NCOA2: variants seen among roughly 807,000 people sequenced by gnomAD.
NCOA2 encodes class E basic helix-loop-helix protein 75.
NCOA2 carries 21 observed loss-of-function variants against 145.1 expected under a neutral mutation model. The observed-to-expected ratio is 0.14, with a 90% CI of 0.10 to 0.21. NCOA2 has a LOEUF of 0.21. Among genes scored for constraint, NCOA2 ranks in the 10% least tolerant of loss-of-function variants. The probability of loss-of-function intolerance (pLI) is 1.00; values close to 1 mark genes in which losing one functional copy is unlikely to be tolerated. For synonymous variants in NCOA2, 619 were observed against 637.5 expected (o/e 0.97, Z 0.44); for missense variants, 1,472 against 1,837.6 (o/e 0.80, Z 3.64).
chr8:70,325,031 A>G (rs1466009833), intron 1 of NCOA2, among the ~76,000 whole-genome samples: 1 of 152,186 alleles, frequency 6.6e-6, no homozygotes, highest in Non-Finnish European at 1.5e-5. Flanking sequence ...TTTACTATCC[A>G]TATCTTTAAA....
Position 70,112,447 on chromosome 8 carries a change from T to TA in NCOA2, c.*1184dup, listed in dbSNP as rs1806624674. On this transcript the variant is annotated 3_prime_UTR_variant, in exon 23 of 23. Coordinates refer to ENST00000452400, the MANE Select transcript of NCOA2 (RefSeq NM_006540.4). ...AAAACTTCGGCTTAGTCAGCACTGCTAAAAAACAAAATAAAAAACACATGG... is the reference window on the plus strand; with the variant it reads ...AAAACTTCGGCTTAGTCAGCACTGCTAAAAAAACAAAATAAAAAACACATGG... The TA allele has an allele frequency of 1.5e-5, 3 of 197,636 alleles. No homozygotes were observed. The highest frequency in any genetic ancestry group is 2.3e-5 in the African/African-American group (1 of 43,436). 12.2% of individuals were successfully genotyped at this position (197,636 alleles called of 1,614,324 possible).
chr8:70,439,386 G>A, the NCOA2 span, among the ~76,000 whole-genome samples: 2 of 152,172 alleles, frequency 1.3e-5, no homozygotes, highest in Non-Finnish European at 2.9e-5. Context: ...GAGGAACAGG[G>A]AAAACCAGGG....
intron 1 of NCOA2, among the ~76,000 whole-genome samples, chr8:70,359,637 A>G (rs1253526327): frequency 6.6e-6 from 1 of 152,172 alleles, no homozygotes; most frequent in Non-Finnish European, 1.5e-5. Context: ...GGAACTAGAG[A>G]GAGGTGGTGG....
At chr8:70,206,114 C>T (rs1818410332) in intron 4 of NCOA2, among the ~76,000 whole-genome samples, 1 of 152,218 alleles carries the variant, frequency 6.6e-6, no homozygotes, top group Non-Finnish European at 1.5e-5. Flanking sequence ...GGGCTCAGCC[C>T]AAGGGCTCTT....
intron 6 of NCOA2, among the ~76,000 whole-genome samples, chr8:70,169,807 T>C (rs928887140): frequency 3.3e-5 from 5 of 152,136 alleles, no homozygotes; most frequent in African/African-American, 9.7e-5. Flanking sequence ...ATAGTTGCCA[T>C]ATAAGTACTT....
chr8:70,209,854 C>T (rs1471901197), intron 4 of NCOA2, among the ~76,000 whole-genome samples: 2 of 152,128 alleles, frequency 1.3e-5, no homozygotes, highest in Non-Finnish European at 2.9e-5. Flanking sequence ...CTTTATGGTG[C>T]GGATCTGGAA....
chr8:70,326,870 T>C (rs1302269698), intron 1 of NCOA2, among the ~76,000 whole-genome samples: 1 of 152,182 alleles, frequency 6.6e-6, no homozygotes, highest in East Asian at 1.9e-4. Context: ...CTTTACAAAA[T>C]GCAGAAACAG....
intron 2 of NCOA2, among the ~76,000 whole-genome samples, chr8:70,277,696 C>A (rs1034048235): frequency 7.9e-5 from 12 of 152,082 alleles, no homozygotes; most frequent in African/African-American, 1.7e-4. Context: ...ATGTGAATTT[C>A]TTAATTATCA....
At chr8:70,241,140 T>C (rs2134449520) in intron 2 of NCOA2, among the ~76,000 whole-genome samples, 1 of 152,300 alleles carries the variant, frequency 6.6e-6, no homozygotes, top group Middle Eastern at 3.4e-3. Context: ...GGATTCTCTG[T>C]GGTTTTTATA....
intron 1 of NCOA2, among the ~76,000 whole-genome samples, chr8:70,403,276 C>T (rs935719834): frequency 4.4e-4 from 66 of 151,358 alleles, no homozygotes; most frequent in Non-Finnish European, 8.6e-4. Flanking sequence ...GGGCAATGGG[C>T]ACTCGCTCCT....
At chr8:70,243,953 C>T (rs1822388921) in intron 2 of NCOA2, among the ~76,000 whole-genome samples, 1 of 151,994 alleles carries the variant, frequency 6.6e-6, no homozygotes, top group Non-Finnish European at 1.5e-5. Context: ...TTAAACTATA[C>T]TGTGCTAAGA....
intron 10 of NCOA2, among the ~76,000 whole-genome samples, chr8:70,158,830 A>G (rs895351434): frequency 5.3e-5 from 8 of 152,180 alleles, no homozygotes; most frequent in African/African-American, 1.7e-4. Context: ...AAATCATACT[A>G]GTGACATCAA....
At chr8:70,352,269 G>A (rs1245761879) in intron 1 of NCOA2, among the ~76,000 whole-genome samples, 2 of 152,012 alleles carry the variant, frequency 1.3e-5, no homozygotes, top group Non-Finnish European at 2.9e-5. Context: ...TTTTTTAAAT[G>A]AGGAATTTGA....
intron 4 of NCOA2, among the ~76,000 whole-genome samples, chr8:70,179,990 A>G (rs1266704445): frequency 6.6e-6 from 1 of 152,144 alleles, no homozygotes; most frequent in South Asian, 2.1e-4. Flanking sequence ...TCTGTTGCCC[A>G]GGCTGGTCTT....
intron 1 of NCOA2, among the ~76,000 whole-genome samples, chr8:70,344,610 G>A (rs79669914): frequency 6.6e-6 from 1 of 152,268 alleles, no homozygotes; most frequent in African/African-American, 2.4e-5. Context: ...GCTGTTTCTG[G>A]AGGAAAATGA....
At chr8:70,392,090 A>T (rs1384872651) in intron 1 of NCOA2, among the ~76,000 whole-genome samples, 5 of 152,238 alleles carry the variant, frequency 3.3e-5, no homozygotes, top group African/African-American at 1.2e-4. Context: ...CTATTTTTCA[A>T]CCTGTGTGTA....
At chr8:70,219,079 A>G (rs1209887298) in intron 2 of NCOA2, among the ~76,000 whole-genome samples, 2 of 152,206 alleles carry the variant, frequency 1.3e-5, no homozygotes, top group African/African-American at 4.8e-5. Context: ...ATATTCTAAA[A>G]TACATACACG....
chr8:70,379,717 AAGC>A (rs1472748667), intron 1 of NCOA2, among the ~76,000 whole-genome samples: 3 of 152,096 alleles, frequency 2.0e-5, no homozygotes, highest in Admixed American at 6.5e-5. Context: ...GCTATAGAAG[AAGC>A]AGGATTGAGA....
chr8:70,354,365 T>C (rs1459830246), intron 1 of NCOA2, among the ~76,000 whole-genome samples: 1 of 152,196 alleles, frequency 6.6e-6, no homozygotes, highest in Non-Finnish European at 1.5e-5. Context: ...GAAAAATTCA[T>C]ACTCAACTAC....
Sources: gnomAD v4.1 joint callset for allele counts (sites outside exome capture counted in the v4.1 genomes callset) on GRCh38, gnomAD v4.1.1 for gene constraint, MANE v1.5 for transcripts, NCBI Gene and HGNC (gene_info 2026-07-23, HGNC 2026-07-21) for gene names.